The following ENPP3 variants were observed in gnomAD, a reference collection of about 807,000 sequenced individuals.
The protein encoded by ENPP3 is ectonucleotide pyrophosphatase/phosphodiesterase family member 3.
ENPP3 carries 104 observed loss-of-function variants against 117.8 expected under a neutral mutation model. That is an observed-to-expected ratio of 0.88 (90% confidence interval 0.75 to 1.04). The LOEUF (loss-of-function observed/expected upper bound fraction) is 1.04. Ranked by LOEUF, ENPP3 falls within the 50% of genes least tolerant of loss-of-function variation. The probability of loss-of-function intolerance (pLI) is 0.00; values close to 1 mark genes in which losing one functional copy is unlikely to be tolerated. For synonymous variants in ENPP3, 380 were observed against 349.9 expected, an observed-to-expected ratio of 1.09 and a Z score of -0.96; for missense variants, 1,026 against 1,051.9, an observed-to-expected ratio of 0.98 and a Z score of 0.34.
intron 23 of ENPP3, among the ~76,000 whole-genome samples, chr6:131,739,954 A>ATG (rs1222932553): frequency 1.6e-5 from 2 of 124,490 alleles, no homozygotes; most frequent in Non-Finnish European, 3.3e-5. Flanking sequence ...ATATATATAT[A>ATG]TGTGTGTGTG....
intron 2 of ENPP3, among the ~76,000 whole-genome samples, chr6:131,648,380 A>T (rs148323652): frequency 9.9e-4 from 151 of 152,022 alleles, no homozygotes; most frequent in Non-Finnish European, 1.5e-3. Flanking sequence ...TAAGCACCTA[A>T]AATTTTTTTT....
At position 131,700,649 on chromosome 6, in the gene ENPP3, A is replaced by G. The variant is rs1203076030; in HGVS notation, c.1412+7025A>G. 5 of 1,558,112 alleles carry G rather than the reference A, an allele frequency of 3.2e-6. 1 individual carries two copies. The South Asian group carries it at 3.5e-5, about 11-fold the overall frequency. ...CAACATACATGATAATGGCTGTGCC[A>G]TAAACGAGTCCAATCACACAGAGGT... On this transcript the variant is annotated intron_variant, in intron 15 of 24. Transcript: ENST00000357639.
In ENPP3 at chr6:131,676,744, C is replaced by T. The variant is rs1217285245; in HGVS notation, c.881C>T (p.Pro294Leu). 1 of 1,600,980 alleles carries T rather than the reference C, an allele frequency of 6.2e-7. No individual in the cohort carries two copies. The highest frequency in any genetic ancestry group is 8.6e-7 in the Non-Finnish European group (1 of 1,168,288). ...SIYMPYNGSV[P>L]FEERISTLLK... ...CTACCCTATTTTTTCAGAAGTGTCCCATTTGAAGAGAGGATTTCTACACTG... is the reference window on the plus strand; with the variant it reads ...CTACCCTATTTTTTCAGAAGTGTCCTATTTGAAGAGAGGATTTCTACACTG... The change falls in exon 10 of 25, where the codon CCA becomes CTA. Residue 294 changes from proline (P) to leucine (L), a missense_variant. Physicochemically the swap from Pro to Leu is moderately conservative, Grantham distance 98. Coordinates refer to ENST00000357639, the MANE Select transcript of ENPP3 (RefSeq NM_005021.5).
At chr6:131,681,858 G>A (rs1312628466) in intron 11 of ENPP3, among the ~76,000 whole-genome samples, 1 of 152,106 alleles carries the variant, frequency 6.6e-6, no homozygotes, top group Non-Finnish European at 1.5e-5. Flanking sequence ...GGGGGATGGG[G>A]AGAGGGAGTT....
At chr6:131,691,935 G>A (rs533224806) in intron 14 of ENPP3, among the ~76,000 whole-genome samples, 9 of 152,096 alleles carry the variant, frequency 5.9e-5, no homozygotes, top group African/African-American at 2.2e-4. Context: ...ACCAAAATAG[G>A]CAAGAAAAAA....
chr6:131,738,257 T>C (rs1202954681), intron 23 of ENPP3, 94 bp downstream of exon 23: 10 of 953,042 alleles, frequency 1.0e-5, no homozygotes, highest in African/African-American at 1.7e-5. Flanking sequence ...TATTACATAA[T>C]ACATTCACAG....
At chr6:131,727,074 T>C (rs952062780) in intron 20 of ENPP3, among the ~76,000 whole-genome samples, 1 of 152,160 alleles carries the variant, frequency 6.6e-6, no homozygotes, top group African/African-American at 2.4e-5. Flanking sequence ...GATGGAACAA[T>C]ATATCTGCAT....
intron 6 of ENPP3, among the ~76,000 whole-genome samples, chr6:131,668,168 A>G (rs1446937610): frequency 6.7e-6 from 1 of 148,718 alleles, no homozygotes; most frequent in Non-Finnish European, 1.5e-5. Context: ...CATAAGGACT[A>G]CATTGTAGTT....
chr6:131,717,441 A>T (rs1379927895), intron 15 of ENPP3, among the ~76,000 whole-genome samples: 1 of 149,952 alleles, frequency 6.7e-6, no homozygotes, highest in Admixed American at 6.7e-5. Context: ...GGTGGGGAAG[A>T]AAATGAGAGA....
intron 11 of ENPP3, among the ~76,000 whole-genome samples, chr6:131,678,306 CTG>C (rs1322058752): frequency 6.6e-6 from 1 of 152,220 alleles, no homozygotes; most frequent in Non-Finnish European, 1.5e-5. Flanking sequence ...TGCAAGTCCA[CTG>C]TGGTATATCC....
At position 131,686,336 on chromosome 6, in the gene ENPP3, C is replaced by T. The variant is rs114594666; in HGVS notation, c.1284+429C>T. Among the ~76,000 whole-genome samples, 982 of 152,096 alleles carry T rather than the reference C, an allele frequency of 6.5e-3. 6 individuals carry two copies. The highest frequency in any genetic ancestry group is 0.022 in the African/African-American group (934 of 41,516). ...TAATTGCAACTGCTTTCGATTGGTT[C>T]CCACATCCCAAATTGTAAGTAAATG... On this transcript the variant is annotated intron_variant, in intron 14 of 24. Coordinates refer to ENST00000357639, the MANE Select transcript of ENPP3 (RefSeq NM_005021.5).
At position 131,720,284 on chromosome 6, in the gene ENPP3, T is replaced by C. The variant is rs200373568; in HGVS notation, c.1480-8T>C. On this transcript the variant is annotated splice_polypyrimidine_tract_variant and splice_region_variant and intron_variant, in intron 16 of 24. Transcript: ENST00000357639. Reference sequence around the variant, plus strand: ...TCTAATAATAATAATCTGACTATTATGACCTAGGCTATCTTTCTGGCACAT... The same window carrying C: ...TCTAATAATAATAATCTGACTATTACGACCTAGGCTATCTTTCTGGCACAT... 898 of 1,530,044 alleles carry C rather than the reference T, an allele frequency of 5.9e-4. 2 individuals are homozygous for C. The highest frequency in any genetic ancestry group is 7.3e-4 in the Non-Finnish European group (820 of 1,120,980). 94.8% of individuals were successfully genotyped at this position (1,530,044 alleles called of 1,614,324 possible). A position where few individuals can be genotyped will look rare whatever the true frequency, so the allele number is the denominator to read the frequency against.
chr6:131,727,520 A>G (rs1420185290), intron 20 of ENPP3, among the ~76,000 whole-genome samples: 1 of 134,958 alleles, frequency 7.4e-6, no homozygotes, highest in African/African-American at 3.0e-5. Flanking sequence ...GCGCCATTAC[A>G]CTCCAGCCTG....
At chr6:131,669,962 A>T (rs950303853) in intron 6 of ENPP3, among the ~76,000 whole-genome samples, 28 of 152,252 alleles carry the variant, frequency 1.8e-4, no homozygotes, top group African/African-American at 6.5e-4. Flanking sequence ...TTATTTTAGA[A>T]GTAGAGGCAA....
intron 14 of ENPP3, among the ~76,000 whole-genome samples, chr6:131,690,666 G>A (rs1562454388): frequency 1.3e-5 from 2 of 152,032 alleles, no homozygotes; most frequent in South Asian, 4.1e-4. Context: ...AAGGACTGAC[G>A]ATAAACGCTG....
At chr6:131,684,390 T>C (rs1384051764) in intron 12 of ENPP3, among the ~76,000 whole-genome samples, 4 of 152,192 alleles carry the variant, frequency 2.6e-5, no homozygotes, top group Non-Finnish European at 4.4e-5. Flanking sequence ...AATAATAATT[T>C]ATATGCAAGC....
intron 5 of ENPP3, among the ~76,000 whole-genome samples, chr6:131,655,127 G>T (rs1778358974): frequency 6.6e-6 from 1 of 152,174 alleles, no homozygotes; most frequent in African/African-American, 2.4e-5. Context: ...TTTTTCTAGT[G>T]AAATTTTTCT....
At chr6:131,704,560 AC>A (rs1251474532) in intron 15 of ENPP3, among the ~76,000 whole-genome samples, 3 of 152,134 alleles carry the variant, frequency 2.0e-5, no homozygotes, top group African/African-American at 4.8e-5. Flanking sequence ...TGTTTTCTGA[AC>A]CCTTTCTATG....
intron 11 of ENPP3, among the ~76,000 whole-genome samples, chr6:131,679,062 TTTCTTTC>T (rs1450415154): frequency 4.5e-5 from 6 of 133,534 alleles, no homozygotes; most frequent in Non-Finnish European, 9.3e-5. Context: ...TCTTTCTTTC[TTTCTTTC>T]TTTCTTTCTT....
Sources: allele counts gnomAD v4.1 joint callset (sites outside exome capture counted in the v4.1 genomes callset), GRCh38; gene constraint gnomAD v4.1.1; transcripts MANE v1.5; gene names NCBI Gene and HGNC (gene_info 2026-07-23, HGNC 2026-07-21).